Variants in VAC14 observed in about 807,000 individuals in gnomAD.
VAC14 encodes the protein protein VAC14 homolog.
A neutral mutation model predicts 85.3 loss-of-function variants in VAC14; 47 were observed. That is an observed-to-expected ratio of 0.55 (90% CI 0.44 to 0.70). The LOEUF is 0.70. Among genes scored for constraint, VAC14 ranks in the 30% least tolerant of loss-of-function variants. VAC14 has a pLI of 0.00. For missense variants in VAC14, 861 were observed against 1,004.3 expected, an observed-to-expected ratio of 0.86 and a Z score of 1.93; for synonymous variants, 447 against 430.5, an observed-to-expected ratio of 1.04 and a Z score of -0.47.
chr16:70,768,242 CATT>C (rs1330686044), intron 10 of VAC14: 1 of 155,122 alleles, frequency 6.4e-6, no homozygotes, highest in Non-Finnish European at 1.4e-5. Flanking sequence ...TCAGTACTAT[CATT>C]ATACTGAGTT....
At chr16:70,726,785 A>G (rs2143000334) in intron 14 of VAC14, among the ~76,000 whole-genome samples, 1 of 152,326 alleles carries the variant, frequency 6.6e-6, no homozygotes, top group East Asian at 1.9e-4. Flanking sequence ...CTGGAGCCAG[A>G]GTAGCTGGCT....
rs542597430 is a variant in VAC14 at position 70,768,509 on chromosome 16, T to C, written c.1160+3600A>G. 132 of 258,110 alleles carry C rather than the reference T, an allele frequency of 5.1e-4. No homozygotes were observed. The Middle Eastern group carries it at 0.02, about 40-fold the overall frequency. 16.0% of individuals were successfully genotyped at this position (258,110 alleles called of 1,614,324 possible). A position where few individuals can be genotyped will look rare whatever the true frequency, so the allele number is the denominator to read the frequency against. ...TTTTCCACCTCCCATGTATTTCCCA[T>C]GCTCTGGAGGGTGGAGGAACCCAGA... On this transcript the variant is annotated intron_variant, in intron 10 of 18. Transcript: ENST00000261776.
At chr16:70,756,084 T>C (rs1263344078) in intron 12 of VAC14, 12 of 456,568 alleles carry the variant, frequency 2.6e-5, no homozygotes, top group Non-Finnish European at 4.8e-5. Flanking sequence ...TTGGGAAGGA[T>C]AAGGTAAGGG....
chr16:70,762,616 G>A lies in VAC14; in HGVS notation c.1306-11C>T. The A allele has an allele frequency of 6.2e-7, 1 of 1,613,908 alleles. No homozygotes were observed. The highest frequency in any genetic ancestry group is 8.5e-7 in the Non-Finnish European group (1 of 1,179,882). ...CGTGTGCCGGAACATCTGGAGGGCA[G>A]AGAAGCAGGGGTGCCCGTGAGTGCT... On this transcript the variant is annotated splice_polypyrimidine_tract_variant and intron_variant, in intron 11 of 18. Coordinates refer to ENST00000261776, the MANE Select transcript of VAC14 (RefSeq NM_018052.5). The surrounding 1 kb of genome is among the most constrained non-coding windows in gnomAD (Gnocchi z 4.1).
intron 14 of VAC14, among the ~76,000 whole-genome samples, chr16:70,706,574 C>T (rs993070316): frequency 2.6e-5 from 4 of 152,290 alleles, no homozygotes; most frequent in African/African-American, 2.4e-5. Context: ...TGCCATGGTG[C>T]GATCTTAGCT....
At chr16:70,697,047 C>G in intron 16 of VAC14, 92 bp downstream of exon 16, 1 of 1,033,712 alleles carries the variant, frequency 9.7e-7, no homozygotes, top group South Asian at 1.4e-5. Flanking sequence ...AGGAGCATGG[C>G]ACTTGGGCCC....
In VAC14 at chr16:70,762,642, C is replaced by G. The variant is rs1392355566; in HGVS notation, c.1306-37G>C. 1.2e-6 allele frequency: 2 copies of G among 1,608,122 alleles called. No individual in the cohort carries two copies. Among genetic ancestry groups the G allele is most frequent in the Admixed American group, 3.3e-5 (2 of 59,748 alleles). ...AGAAGCAGGGGTGCCCGTGAGTGCT[C>G]CCTTCGCCCCGGGACTACGTGCAGT... On this transcript the variant is annotated intron_variant, in intron 11 of 18. Coordinates refer to ENST00000261776, the MANE Select transcript of VAC14 (RefSeq NM_018052.5). This position sits in a 1 kb window ranked among gnomAD's most constrained non-coding sequence, Gnocchi z 4.1.
intron 4 of VAC14, among the ~76,000 whole-genome samples, 153 bp from the exon 5 acceptor site, chr16:70,784,373 C>T (rs1280699661): frequency 2.0e-5 from 3 of 152,204 alleles, no homozygotes; most frequent in Non-Finnish European, 4.4e-5. Context: ...CTGGAGTATT[C>T]ATCCTGTCCC....
chr16:70,693,452 C>T (rs1597847100), intron 17 of VAC14, among the ~76,000 whole-genome samples: 2 of 152,200 alleles, frequency 1.3e-5, no homozygotes, highest in South Asian at 4.1e-4. Flanking sequence ...TAGATTAGGA[C>T]AGCTTTAAGA....
chr16:70,760,173 G>T (rs1314649441), intron 12 of VAC14, among the ~76,000 whole-genome samples: 2 of 152,182 alleles, frequency 1.3e-5, no homozygotes, highest in East Asian at 1.9e-4. Context: ...GACTTTGGTA[G>T]GAGAGGACCT....
At position 70,693,862 on chromosome 16, in the gene VAC14, A is replaced by AG. The variant is rs3837790; in HGVS notation, c.2036-892dup. Among the ~76,000 whole-genome samples, 37 of 152,296 alleles carry AG rather than the reference A, an allele frequency of 2.4e-4. No individual in the cohort carries two copies. The East Asian group carries it at 7.2e-3, about 29-fold the overall frequency. ...TATGTCACCCCTGGAGCGGCCACACAGGGGGTCCCGCTGACAAAGGGAACC... is the reference window on the plus strand; with the variant it reads ...TATGTCACCCCTGGAGCGGCCACACAGGGGGGTCCCGCTGACAAAGGGAACC... On this transcript the variant is annotated intron_variant, in intron 17 of 18. Coordinates refer to ENST00000261776, the MANE Select transcript of VAC14 (RefSeq NM_018052.5).
intron 10 of VAC14, 39 bp downstream of exon 10, chr16:70,772,070 C>T (rs868004944): frequency 8.8e-6 from 14 of 1,599,632 alleles, no homozygotes; most frequent in Middle Eastern, 1.8e-4. Context: ...CTAGGCCGCT[C>T]GCTTTCCACA....
chr16:70,762,744 G>A lies in VAC14; in HGVS notation c.1305+137C>T, dbSNP rs956587132. ...CTCCCCGACACAATGAGGGCTCCTC[G>A]CAGCACCTGTCACTTCTCTGCCGGC... On this transcript the variant is annotated intron_variant, in intron 11 of 18. Transcript: ENST00000261776. This position sits in a 1 kb window ranked among gnomAD's most constrained non-coding sequence, Gnocchi z 4.1. 35 of 1,501,962 alleles carry A rather than the reference G, an allele frequency of 2.3e-5. No individual in the cohort carries two copies. The highest frequency in any genetic ancestry group is 1.9e-4 in the Middle Eastern group (1 of 5,214). The allele number at this position is 1,501,962 out of a possible 1,614,324, so 93.0% of individuals were successfully genotyped here. A position where few individuals can be genotyped will look rare whatever the true frequency, so the allele number is the denominator to read the frequency against.
At chr16:70,691,043 C>G (rs2053586138) in intron 18 of VAC14, 1 of 985,360 alleles carries the variant, frequency 1.0e-6, no homozygotes, top group African/African-American at 1.7e-5. Flanking sequence ...TGCAAAGCAT[C>G]CACTGACCCT....
intron 12 of VAC14, among the ~76,000 whole-genome samples, chr16:70,757,662 AGCAG>A (rs1306817507): frequency 6.6e-6 from 1 of 152,194 alleles, no homozygotes; most frequent in East Asian, 1.9e-4. Context: ...TTGCTGCTGA[AGCAG>A]AAGCAGGGAG....
chr16:70,766,386 G>A (rs1348999727), intron 10 of VAC14: 1 of 432,524 alleles, frequency 2.3e-6, no homozygotes, highest in African/African-American at 2.0e-5. Context: ...ATATCACGGA[G>A]CTGGTATGTG....
chr16:70,791,957 A>T (rs1476490149), intron 1 of VAC14, among the ~76,000 whole-genome samples: 1 of 152,200 alleles, frequency 6.6e-6, no homozygotes, highest in African/African-American at 2.4e-5. Flanking sequence ...CTCTACTCTT[A>T]TAGTCCAGGT....
chr16:70,744,823 C>T (rs1033874148), intron 12 of VAC14, among the ~76,000 whole-genome samples: 2 of 152,224 alleles, frequency 1.3e-5, no homozygotes, highest in African/African-American at 2.4e-5. Flanking sequence ...AAACTGGAAT[C>T]TGAGGTTCGG....
chr16:70,780,374 C>T (rs1567599369), intron 9 of VAC14, among the ~76,000 whole-genome samples: 1 of 152,114 alleles, frequency 6.6e-6, no homozygotes, highest in African/African-American at 2.4e-5. Context: ...TGGACGTCTA[C>T]GGCCAAGAAT....
Sources: allele counts gnomAD v4.1 joint callset (sites outside exome capture counted in the v4.1 genomes callset), GRCh38; gene constraint gnomAD v4.1.1; non-coding constraint Gnocchi (gnomAD v3.1); transcripts MANE v1.5; gene names NCBI Gene and HGNC (gene_info 2026-07-23, HGNC 2026-07-21).